Variants in SVEP1 observed in about 807,000 individuals in gnomAD.
The protein encoded by SVEP1 is sushi, von Willebrand factor type A, EGF and pentraxin domain containing 1, also known as sushi, von Willebrand factor type A, EGF and pentraxin domain-containing protein 1.
Under a neutral mutation model 367.3 loss-of-function variants are expected in SVEP1, and 164 were observed. The observed-to-expected ratio is 0.45, with a 90% CI of 0.39 to 0.51. The LOEUF is 0.51. SVEP1 is among the 20% of genes least tolerant of loss of function. SVEP1 has a pLI of 0.00. For missense variants in SVEP1, 4,117 were observed against 4,425.3 expected, an observed-to-expected ratio of 0.93 and a Z score of 1.98; for synonymous variants, 1,666 against 1,611.6, an observed-to-expected ratio of 1.03 and a Z score of -0.81.
intron 27 of SVEP1, among the ~76,000 whole-genome samples, chr9:110,439,516 C>T (rs566165922): frequency 2.6e-5 from 4 of 152,188 alleles, no homozygotes; most frequent in African/African-American, 9.6e-5. Flanking sequence ...GCCTCAGCCT[C>T]CCGAGTAGCT....
Position 110,406,916 on chromosome 9 carries a change from G to A in SVEP1, c.8684C>T (p.Pro2895Leu). The change falls in exon 38 of 48, where the codon CCA becomes CTA. Residue 2895 changes from proline to leucine, a missense_variant. By Grantham distance (98) the Pro-to-Leu change is moderately conservative. Transcript: ENST00000374469. ...DCVPVRCATP[P>L]QLANGVTEGL... ...TTCCGTCACCCCATTGGCCAGTTGT[G>A]GCGGGGTGGCACATCTGACAGGCAC... is the stretch of plus-strand genomic sequence containing the variant. 6.2e-7 allele frequency: 1 copy of A among 1,613,846 alleles called. No homozygotes were observed. The highest frequency in any genetic ancestry group is 1.1e-5 in the South Asian group (1 of 91,084).
chr9:110,451,315 C>A lies in SVEP1; in HGVS notation c.3875G>T (p.Arg1292Leu). 1.2e-6 allele frequency: 2 copies of A among 1,613,656 alleles called. No individual in the cohort carries two copies. Among genetic ancestry groups the A allele is most frequent in the South Asian group, 1.1e-5 (1 of 91,064 alleles). Residue 1292 changes from arginine (R) to leucine (L), a missense_variant, in exon 23 of 48, where the codon CGT (arginine) becomes CTT (leucine). Arg to Leu is a moderately radical substitution (Grantham distance 102). Around this residue, in one of 4 missense-constraint regions of SVEP1, gnomAD observed 2,174 missense variants for 2,494.3 expected, o/e 0.87. Coordinates refer to ENST00000374469, the MANE Select transcript of SVEP1 (RefSeq NM_153366.4). ...GICVDGVAGY[R>L]CTCVKGFVGL... ...TACAAATCCTTTCACACATGTGCAA[C>A]GATAGCCAGCCACACCATCAACACA...
At chr9:110,574,743 C>CTTTTT (rs1163833465) in intron 1 of SVEP1, among the ~76,000 whole-genome samples, 17 of 84,762 alleles carry the variant, frequency 2.0e-4, no homozygotes, top group Non-Finnish European at 3.1e-4. Flanking sequence ...AGTCGACCTT[C>CTTTTT]TTTTTTTTTT....
intron 32 of SVEP1, among the ~76,000 whole-genome samples, chr9:110,430,823 T>C (rs750447978): frequency 3.3e-4 from 51 of 152,334 alleles, no homozygotes; most frequent in Non-Finnish European, 6.0e-4. Context: ...GGTGTCAGGC[T>C]GATGGAAAGG....
At chr9:110,485,351 A>G (rs1191138750) in intron 9 of SVEP1, among the ~76,000 whole-genome samples, 5 of 152,200 alleles carry the variant, frequency 3.3e-5, no homozygotes, top group Non-Finnish European at 5.9e-5. Flanking sequence ...CAAACACCGT[A>G]TGTTCTCACT....
chr9:110,551,867 C>T (rs1051290008), intron 1 of SVEP1, among the ~76,000 whole-genome samples: 5 of 151,976 alleles, frequency 3.3e-5, no homozygotes, highest in Non-Finnish European at 5.9e-5. Context: ...TCTCTCCACA[C>T]CCCTAACTCT....
chr9:110,435,474 G>T, intron 28 of SVEP1, 110 bp from the exon 29 acceptor site: 2 of 1,284,438 alleles, frequency 1.6e-6, no homozygotes, highest in African/African-American at 3.0e-5. Context: ...TAGAGATGGG[G>T]GTGGAGGGAA....
At chr9:110,510,959 G>A (rs1564163334) in intron 5 of SVEP1, among the ~76,000 whole-genome samples, 1 of 152,162 alleles carries the variant, frequency 6.6e-6, no homozygotes. Flanking sequence ...TAGCTTGCCT[G>A]AGTTTAGAAA....
chr9:110,399,873 A>G (rs1827829290), intron 40 of SVEP1, among the ~76,000 whole-genome samples: 1 of 152,234 alleles, frequency 6.6e-6, no homozygotes, highest in Non-Finnish European at 1.5e-5. Context: ...ATAAAAATAA[A>G]AAAGAGTTTC....
intron 15 of SVEP1, 43 bp downstream of exon 15, chr9:110,472,116 T>A: frequency 1.3e-6 from 2 of 1,565,226 alleles, no homozygotes; most frequent in Non-Finnish European, 1.7e-6. Flanking sequence ...CAACCAAGAA[T>A]TTTCCATTAT....
At chr9:110,416,634 GAT>G (rs1316897919) in intron 36 of SVEP1, among the ~76,000 whole-genome samples, 1 of 151,910 alleles carries the variant, frequency 6.6e-6, no homozygotes, top group African/African-American at 2.4e-5. Flanking sequence ...ATAGGTGAAA[GAT>G]ATAAATTCTC....
intron 22 of SVEP1, 135 bp downstream of exon 22, chr9:110,455,455 T>C: frequency 3.0e-6 from 2 of 658,652 alleles, no homozygotes; most frequent in East Asian, 2.9e-5. Flanking sequence ...ATAAGTAATA[T>C]TAGAAAATAT....
intron 36 of SVEP1, among the ~76,000 whole-genome samples, chr9:110,418,868 C>G (rs1441726133): frequency 1.6e-5 from 2 of 123,200 alleles, no homozygotes; most frequent in African/African-American, 5.8e-5. Context: ...CCAAACTAAG[C>G]TTCATAAGTG....
rs867074920 is a variant in SVEP1 at position 110,395,795 on chromosome 9, A to G, written c.9822+5059T>C. 3.8e-3 allele frequency among the ~76,000 whole-genome samples: 575 copies of G among 151,062 alleles called. 7 individuals carry two copies. The highest frequency in any genetic ancestry group is 0.011 in the African/African-American group (430 of 40,506). ...TGGTAAAGGGATCAATTCAACAAGAAGAGCTAACTATCCTAAATATATATG... is the reference window on the plus strand; with the variant it reads ...TGGTAAAGGGATCAATTCAACAAGAGGAGCTAACTATCCTAAATATATATG... On this transcript the variant is annotated intron_variant, in intron 40 of 47. Transcript: ENST00000374469.
chr9:110,366,256 T>G lies in SVEP1; in HGVS notation c.*283A>C. The G allele has an allele frequency of 3.0e-6, 1 of 334,412 alleles. No homozygotes were observed. Among genetic ancestry groups the G allele is most frequent in the Non-Finnish European group, 5.3e-6 (1 of 187,914 alleles). 20.7% of individuals were successfully genotyped at this position (334,412 alleles called of 1,614,324 possible). Reference sequence around the variant, plus strand: ...AAATGTGTACCAGGAACTTTCCCAATAGACAGCAGAATATGTACATTTTGT... The same window carrying G: ...AAATGTGTACCAGGAACTTTCCCAAGAGACAGCAGAATATGTACATTTTGT... On this transcript the variant is annotated 3_prime_UTR_variant, in exon 48 of 48. Coordinates refer to ENST00000374469, the MANE Select transcript of SVEP1 (RefSeq NM_153366.4).
chr9:110,429,868 C>T lies in SVEP1; in HGVS notation c.5615+52G>A, dbSNP rs921139801. On this transcript the variant is annotated intron_variant, in intron 34 of 47. Coordinates refer to ENST00000374469, the MANE Select transcript of SVEP1 (RefSeq NM_153366.4). ...CCTTTCTTTCAGTGTTATATCACTA[C>T]CAGTATGCCATCAACATCTTCTACA... 25 of 1,476,784 alleles carry T rather than the reference C, an allele frequency of 1.7e-5. No homozygotes were observed. In the East Asian group the frequency reaches 4.5e-4, roughly 27 times the overall value. The allele number at this position is 1,476,784 out of a possible 1,614,324, so 91.5% of individuals were successfully genotyped here.
At chr9:110,493,767 AAAC>A (rs1030757882) in intron 8 of SVEP1, among the ~76,000 whole-genome samples, 1 of 152,100 alleles carries the variant, frequency 6.6e-6, no homozygotes, top group Non-Finnish European at 1.5e-5. Flanking sequence ...AAACAAACAA[AAAC>A]AACAAGAATG....
chr9:110,478,697 T>C (rs1282099023), intron 13 of SVEP1, among the ~76,000 whole-genome samples: 1 of 152,192 alleles, frequency 6.6e-6, no homozygotes, highest in African/African-American at 2.4e-5. Flanking sequence ...TTTTATTGAA[T>C]AGATTTAAAT....
chr9:110,484,360 T>A (rs1829245153), intron 9 of SVEP1, among the ~76,000 whole-genome samples: 1 of 152,108 alleles, frequency 6.6e-6, no homozygotes. Context: ...GTTAAAGCAC[T>A]GGGAGTCTGT....
Sources: gnomAD v4.1 joint callset for allele counts (sites outside exome capture counted in the v4.1 genomes callset) on GRCh38, gnomAD v4.1.1 for gene constraint, gnomAD v4.1.1 regional missense constraint, MANE v1.5 for transcripts, NCBI Gene and HGNC (gene_info 2026-07-23, HGNC 2026-07-21) for gene names.